SHROOM4: variants seen among roughly 807,000 people sequenced by gnomAD.
SHROOM4 encodes protein Shroom4.
Under a neutral mutation model 80.3 loss-of-function variants are expected in SHROOM4, and 17 were observed. The ratio of observed to expected loss-of-function variants is 0.21; its 90% CI spans 0.14 to 0.32. The LOEUF (loss-of-function observed/expected upper bound fraction) is 0.32. Ranked by LOEUF, SHROOM4 falls within the 10% of genes least tolerant of loss-of-function variation. SHROOM4 has a pLI of 1.00. For missense variants in SHROOM4, 993 were observed against 1,140.3 expected (o/e 0.87, Z 1.86); for synonymous variants, 400 against 437.5 (o/e 0.91, Z 1.07).
intron 5 of SHROOM4, among the ~76,000 whole-genome samples, chrX:50,618,468 G>A (rs782417202): frequency 8.6e-5 from 9 of 104,509 alleles, no homozygotes; most frequent in South Asian, 4.5e-4. Flanking sequence ...GTGCAGTGGC[G>A]CAATCTTGGC....
chrX:50,616,904 C>T (rs1557250879), intron 5 of SHROOM4, among the ~76,000 whole-genome samples: 1 of 111,933 alleles, frequency 8.9e-6, no homozygotes, highest in East Asian at 2.8e-4. Context: ...TTTCTATCTC[C>T]TGTCCCTGCC....
rs113799046 is a variant in SHROOM4 at position 50,607,782 on chromosome X, C to G, written c.3360G>C (p.Gln1120His). 1 of 903,281 alleles carries G rather than the reference C, an allele frequency of 1.1e-6. No individual in the cohort carries two copies. Among genetic ancestry groups the G allele is most frequent in the African/African-American group, 2.9e-5 (1 of 34,377 alleles). 74.4% of individuals were successfully genotyped at this position (903,281 alleles called of 1,213,427 possible). ...TCTGCTGCTGCTGTTGCTGCTTCTG[C>G]TGCTGGGCTGCACGAAAGAGCCTGT... ...EKYRLFRAAQ[Q>H]QKQQQQQQKQ... is the part of the protein sequence containing the mutation. Residue 1120 changes from glutamine (Q) to histidine (H), a missense_variant, in exon 6 of 9, where the codon CAG becomes CAC. Coordinates refer to ENST00000376020, the MANE Select transcript of SHROOM4 (RefSeq NM_020717.5).
In SHROOM4 at chrX:50,813,888, C is replaced by A; in HGVS notation, c.117+14G>T. Reference sequence around the variant, plus strand: ...AAGTTAGGCGCCGTTAGGACATCAGCCGCCAGTTCTTACCTTAGACACTGT... The same window carrying A: ...AAGTTAGGCGCCGTTAGGACATCAGACGCCAGTTCTTACCTTAGACACTGT... On this transcript the variant is annotated intron_variant, in intron 1 of 8. Coordinates refer to ENST00000376020, the MANE Select transcript of SHROOM4 (RefSeq NM_020717.5). The A allele has an allele frequency of 3.5e-6, 4 of 1,144,779 alleles. No individual in the cohort carries two copies. Among genetic ancestry groups the A allele is most frequent in the Non-Finnish European group, 4.8e-6 (4 of 835,791 alleles). 94.3% of individuals were successfully genotyped at this position (1,144,779 alleles called of 1,213,427 possible). A position where few individuals can be genotyped will look rare whatever the true frequency, so the allele number is the denominator to read the frequency against.
At chrX:50,762,588 C>T (rs1230366482) in intron 1 of SHROOM4, among the ~76,000 whole-genome samples, 1 of 111,922 alleles carries the variant, frequency 8.9e-6, no homozygotes, top group Non-Finnish European at 1.9e-5. Context: ...CTGACATCGA[C>T]AAATTATCTC....
chrX:50,587,419 A>C lies in SHROOM4; in HGVS notation c.*9276T>G, dbSNP rs1393715496. Among the ~76,000 whole-genome samples the C allele has an allele frequency of 8.9e-6, 1 of 112,271 alleles. No individual in the cohort carries two copies. The highest frequency in any genetic ancestry group is 3.2e-5 in the African/African-American group (1 of 30,897). Reference sequence around the variant, plus strand: ...AAAGGAAATGAAATCAGTATCTCGAAGAGATATCTGCACTCTCATGTTCAC... The same window carrying C: ...AAAGGAAATGAAATCAGTATCTCGACGAGATATCTGCACTCTCATGTTCAC... On this transcript the variant is annotated 3_prime_UTR_variant, in exon 9 of 9. Transcript: ENST00000376020.
chrX:50,693,735 C>T (rs1390736225), intron 2 of SHROOM4, among the ~76,000 whole-genome samples: 1 of 110,384 alleles, frequency 9.1e-6, no homozygotes, highest in African/African-American at 3.3e-5. Context: ...ATGTTGAGAA[C>T]ATATGAATTC....
intron 4 of SHROOM4, among the ~76,000 whole-genome samples, chrX:50,628,259 C>A (rs782212035): frequency 1.5e-3 from 172 of 111,318 alleles, no homozygotes; most frequent in African/African-American, 5.4e-3. Context: ...GTGGGCCCAT[C>A]TCTGGGGAAT....
At chrX:50,641,159 T>C (rs1446731515) in intron 2 of SHROOM4, among the ~76,000 whole-genome samples, 3 of 111,921 alleles carry the variant, frequency 2.7e-5, no homozygotes, top group Admixed American at 1.9e-4. Flanking sequence ...GCCCTCACAA[T>C]TGGGTCCATA....
At position 50,712,564 on chromosome X, in the gene SHROOM4, G is replaced by A. The variant is rs782156718; in HGVS notation, c.118-16627C>T. Among the ~76,000 whole-genome samples, 8 of 111,291 alleles carry A rather than the reference G, an allele frequency of 7.2e-5. No individual in the cohort carries two copies. In the East Asian group the frequency reaches 2.3e-3, roughly 32 times the overall value. On this transcript the variant is annotated intron_variant, in intron 1 of 8. Coordinates refer to ENST00000376020, the MANE Select transcript of SHROOM4 (RefSeq NM_020717.5). Reference sequence around the variant, plus strand: ...CATGTAACACATAAACACCTATTACGTACCCCAAAATTAATTAAAAATAGA... The same window carrying A: ...CATGTAACACATAAACACCTATTACATACCCCAAAATTAATTAAAAATAGA...
chrX:50,807,574 T>C (rs1936252175), intron 1 of SHROOM4, among the ~76,000 whole-genome samples: 2 of 111,993 alleles, frequency 1.8e-5, no homozygotes, highest in South Asian at 3.7e-4. Context: ...AATTCTGACT[T>C]TGACACTATT....
chrX:50,792,054 A>G (rs948892038), intron 1 of SHROOM4, among the ~76,000 whole-genome samples: 10 of 112,115 alleles, frequency 8.9e-5, no homozygotes, highest in African/African-American at 1.6e-4. Flanking sequence ...AAACTTGTAG[A>G]AGAAAATGTG....
At position 50,619,721 on chromosome X, in the gene SHROOM4, A is replaced by C. The variant is rs782470026; in HGVS notation, c.2957+7893T>G. On this transcript the variant is annotated intron_variant, in intron 5 of 8. Coordinates refer to ENST00000376020, the MANE Select transcript of SHROOM4 (RefSeq NM_020717.5). ...ATTTGTTGTCAAGTAATACATACAT[A>C]TGCAGTCACTGTGGTAGAGAGAAAA... Among the ~76,000 whole-genome samples, 18 of 112,113 alleles carry C rather than the reference A, an allele frequency of 1.6e-4. No individual in the cohort carries two copies. In the South Asian group the frequency reaches 5.6e-3, roughly 35 times the overall value.
At chrX:50,803,701 T>C (rs1459070132) in intron 1 of SHROOM4, among the ~76,000 whole-genome samples, 1 of 112,400 alleles carries the variant, frequency 8.9e-6, no homozygotes, top group Non-Finnish European at 1.9e-5. Context: ...TTTCCTGGGC[T>C]TATAGTAATG....
chrX:50,735,734 G>A (rs1557266653), intron 1 of SHROOM4, among the ~76,000 whole-genome samples: 2 of 111,643 alleles, frequency 1.8e-5, no homozygotes. Flanking sequence ...GTGGCTGGGC[G>A]CAGTGGCTCA....
chrX:50,636,540 C>T (rs782421948), intron 3 of SHROOM4, among the ~76,000 whole-genome samples: 1 of 110,641 alleles, frequency 9.0e-6, no homozygotes, highest in Non-Finnish European at 1.9e-5. Flanking sequence ...GGTACACGTA[C>T]AGGTTTGTTA....
rs782728796 is a variant in SHROOM4, at chrX:50,607,902, G to T, written c.3240C>A (p.Leu1080=). ...ACTGGGTCTCATCACCTTTGCTAAAGAGCTCCCTCCTATGCTGCCCCCAGG... is the reference window on the plus strand; with the variant it reads ...ACTGGGTCTCATCACCTTTGCTAAATAGCTCCCTCCTATGCTGCCCCCAGG... ...TRAWGQHRRE[L]FSKGDETQSD... is the part of the protein sequence containing the mutation. Residue 1080 remains leucine (L), a synonymous_variant, in exon 6 of 9, where the codon CTC becomes CTA. Coordinates refer to ENST00000376020, the MANE Select transcript of SHROOM4 (RefSeq NM_020717.5). The T allele has an allele frequency of 2.7e-5, 33 of 1,210,794 alleles. No homozygotes were observed. In the South Asian group the frequency reaches 5.8e-4, roughly 21 times the overall value.
chrX:50,628,780 T>C (rs1297500277), intron 4 of SHROOM4, among the ~76,000 whole-genome samples: 2 of 112,095 alleles, frequency 1.8e-5, no homozygotes, highest in Admixed American at 1.9e-4. Flanking sequence ...TGATAATAAA[T>C]AAGATATGCA....
At chrX:50,754,997 T>C (rs1401268091) in intron 1 of SHROOM4, among the ~76,000 whole-genome samples, 1 of 112,417 alleles carries the variant, frequency 8.9e-6, no homozygotes, top group Non-Finnish European at 1.9e-5. Flanking sequence ...GTGAAAAGGC[T>C]ATCTTCCTCA....
At chrX:50,651,919 T>C (rs782009810) in intron 2 of SHROOM4, among the ~76,000 whole-genome samples, 12 of 111,767 alleles carry the variant, frequency 1.1e-4, no homozygotes, top group Non-Finnish European at 1.5e-4. Context: ...AACTCATCCA[T>C]TTTTATGGCT....
Sources: gnomAD v4.1 joint callset for allele counts (sites outside exome capture counted in the v4.1 genomes callset) on GRCh38, gnomAD v4.1.1 for gene constraint, MANE v1.5 for transcripts, NCBI Gene and HGNC (gene_info 2026-07-23, HGNC 2026-07-21) for gene names.